Variants in PPIE observed in about 807,000 individuals in gnomAD.
The protein encoded by PPIE is peptidylprolyl isomerase E, also known as peptidyl-prolyl cis-trans isomerase E.
PPIE carries 20 observed loss-of-function variants against 38.4 expected under a neutral mutation model. The ratio of observed to expected loss-of-function variants is 0.52; its 90% confidence interval spans 0.37 to 0.76. PPIE has a LOEUF of 0.76. PPIE is among the 30% of genes least tolerant of loss of function. The pLI, the probability that PPIE is intolerant of heterozygous loss-of-function variation, is 0.00. For missense variants in PPIE, 322 were observed against 385.8 expected, an observed-to-expected ratio of 0.83 and a Z score of 1.39; for synonymous variants, 142 against 135.7, an observed-to-expected ratio of 1.05 and a Z score of -0.32.
downstream of PPIE, chr1:39,757,842 C>T (rs1429325910): frequency 1.3e-5 from 2 of 152,210 alleles, no homozygotes; most frequent in Non-Finnish European, 2.9e-5. Flanking sequence ...TTTCATTGCT[C>T]AAGGGATTTT....
chr1:39,753,246 A>T, intron 9 of PPIE, 41 bp from the exon 10 acceptor site: 8 of 1,610,614 alleles, frequency 5.0e-6, no homozygotes, highest in Non-Finnish European at 6.8e-6. Flanking sequence ...AACCACTGTT[A>T]GTCTCCGGCC....
chr1:39,755,821 C>A lies in PPIE; in HGVS notation c.*2466C>A. ...AGATGTTATTGAATGCACACTGGAA[C>A]CCTGCACAGGTAAACTGAGGCTTTA... On this transcript the variant is annotated 3_prime_UTR_variant, in exon 10 of 10. Coordinates refer to ENST00000324379, the MANE Select transcript of PPIE (RefSeq NM_006112.4). The A allele has an allele frequency of 1.0e-6, 1 of 985,402 alleles. No individual in the cohort carries two copies. The highest frequency in any genetic ancestry group is 1.2e-6 in the Non-Finnish European group (1 of 829,914). 61.0% of individuals were successfully genotyped at this position (985,402 alleles called of 1,614,324 possible). A position where few individuals can be genotyped will look rare whatever the true frequency, so the allele number is the denominator to read the frequency against.
At position 39,753,707 on chromosome 1, in the gene PPIE, CT is replaced by C; in HGVS notation, c.*354del. The C allele has an allele frequency of 9.4e-7, 1 of 1,058,968 alleles. No homozygotes were observed. The allele number at this position is 1,058,968 out of a possible 1,614,324, so 65.6% of individuals were successfully genotyped here. ...AATAAACCCTAGTTCTTATATTGCTCTTCCTGCTAGTTCTTGGGAGTTGTCA... is the reference window on the plus strand; with the variant it reads ...AATAAACCCTAGTTCTTATATTGCTCTCCTGCTAGTTCTTGGGAGTTGTCA... On this transcript the variant is annotated 3_prime_UTR_variant, in exon 10 of 10. Coordinates refer to ENST00000324379, the MANE Select transcript of PPIE (RefSeq NM_006112.4).
chr1:39,753,234 T>G (rs878969507), intron 9 of PPIE, 53 bp from the exon 10 acceptor site: 1 of 1,607,316 alleles, frequency 6.2e-7, no homozygotes, highest in South Asian at 1.1e-5. Context: ...TTGGTATCCC[T>G]AAACCACTGT....
At chr1:39,741,542 T>C in intron 3 of PPIE, 133 bp downstream of exon 3, 1 of 930,918 alleles carries the variant, frequency 1.1e-6, no homozygotes, top group African/African-American at 1.6e-5. Flanking sequence ...AAGTAAGTGC[T>C]GTTCTAAGGA....
In PPIE at chr1:39,763,824, G is replaced by A. The variant is rs771258049; in HGVS notation, c.*82G>A. On this transcript the variant is annotated 3_prime_UTR_variant, in exon 10 of 10. Transcript: ENST00000356511. Reference sequence around the variant, plus strand: ...GACAGAAGGGGCAAGGTCTTTTCTGGGGTTCCTACTGTGTGCAGCTACTAT... The same window carrying A: ...GACAGAAGGGGCAAGGTCTTTTCTGAGGTTCCTACTGTGTGCAGCTACTAT... The A allele has an allele frequency of 2.5e-6, 4 of 1,594,840 alleles. No individual in the cohort carries two copies. The South Asian group carries it at 3.3e-5, about 13-fold the overall frequency.
chr1:39,743,657 C>A (rs1647118190), intron 5 of PPIE, among the ~76,000 whole-genome samples, 167 bp from the exon 6 acceptor site: 1 of 152,200 alleles, frequency 6.6e-6, no homozygotes, highest in Non-Finnish European at 1.5e-5. Context: ...AGCTGGACTT[C>A]AGGGCCTACA....
chr1:39,745,517 T>C lies in PPIE; in HGVS notation c.508+19T>C, dbSNP rs777772331. On this transcript the variant is annotated intron_variant, in intron 7 of 9. Transcript: ENST00000324379. ...ACAGCAGGTGAGCAGGACGCTGTGG[T>C]CAGAACGGCGGGACGCTGGTGGCTG... is the stretch of plus-strand genomic sequence containing the variant. 1 of 1,614,140 alleles carries C rather than the reference T, an allele frequency of 6.2e-7. No homozygotes were observed. Among genetic ancestry groups the C allele is most frequent in the East Asian group, 2.2e-5 (1 of 44,876 alleles).
Position 39,755,404 on chromosome 1 carries a change from G to C in PPIE, c.*2049G>C. 1.0e-6 allele frequency: 1 copy of C among 985,472 alleles called. No individual in the cohort carries two copies. Among genetic ancestry groups the C allele is most frequent in the Non-Finnish European group, 1.2e-6 (1 of 829,936 alleles). The allele number at this position is 985,472 out of a possible 1,614,324, so 61.0% of individuals were successfully genotyped here. A position where few individuals can be genotyped will look rare whatever the true frequency, so the allele number is the denominator to read the frequency against. On this transcript the variant is annotated 3_prime_UTR_variant, in exon 10 of 10. Transcript: ENST00000324379. Reference sequence around the variant, plus strand: ...GACTTTGTGAGCTCCAGCTGCTACAGTTGACTGAGTTCAGGCTCCATGTAG... The same window carrying C: ...GACTTTGTGAGCTCCAGCTGCTACACTTGACTGAGTTCAGGCTCCATGTAG...
chr1:39,757,297 C>T (rs1648385974), downstream of PPIE: 2 of 152,202 alleles, frequency 1.3e-5, no homozygotes. Context: ...TCAGACATCC[C>T]AAAGATTTGT....
rs774886875 is a variant in PPIE at position 39,738,918 on chromosome 1, C to A, written c.18C>A (p.Arg6=). The part of the protein sequence containing the change: MATTK[R]VLYVGGLAEE... The stretch of plus-strand genomic sequence containing the variant: ...CGAGCAAGATGGCCACCACCAAGCG[C>A]GTCTTGTACGTGGGTGAGCAGGAGG... Residue 6 remains arginine (R), a synonymous_variant, in exon 1 of 10, where the codon CGC becomes CGA. Coordinates refer to ENST00000324379, the MANE Select transcript of PPIE (RefSeq NM_006112.4). 4 of 1,499,936 alleles carry A rather than the reference C, an allele frequency of 2.7e-6. No individual in the cohort carries two copies. Among genetic ancestry groups the A allele is most frequent in the Admixed American group, 4.8e-5 (2 of 41,458 alleles). The allele number at this position is 1,499,936 out of a possible 1,614,324, so 92.9% of individuals were successfully genotyped here.
intron 5 of PPIE, 80 bp from the exon 6 acceptor site, chr1:39,743,744 C>T: frequency 8.7e-7 from 1 of 1,146,334 alleles, no homozygotes; most frequent in Non-Finnish European, 1.3e-6. Context: ...ATAGCATCTT[C>T]CACTTTGCTG....
intron 6 of PPIE, among the ~76,000 whole-genome samples, 187 bp from the exon 7 acceptor site, chr1:39,745,188 A>G (rs975790288): frequency 6.6e-6 from 1 of 152,192 alleles, no homozygotes; most frequent in African/African-American, 2.4e-5. Context: ...GTCGCTGGGC[A>G]TCCAGCTGGG....
rs980517454 is a variant in PPIE, at chr1:39,763,618, T to A, written c.838-71T>A. On this transcript the variant is annotated intron_variant, in intron 9 of 9. Transcript: ENST00000356511. ...AGAAGAAAAAAATACATAAGAAAAT[T>A]GAAGTCACCATGATTCTATGTCCTC... 55 of 1,426,920 alleles carry A rather than the reference T, an allele frequency of 3.9e-5. 4 individuals carry two copies. In the African/African-American group the frequency reaches 8.8e-4, roughly 23 times the overall value. The allele number at this position is 1,426,920 out of a possible 1,614,324, so 88.4% of individuals were successfully genotyped here.
At chr1:39,742,045 C>T (rs1312932706) in intron 4 of PPIE, 124 bp downstream of exon 4, 3 of 967,610 alleles carry the variant, frequency 3.1e-6, no homozygotes, top group Non-Finnish European at 4.8e-6. Flanking sequence ...AAAATTCTCA[C>T]ATGAAAATAT....
rs200069647 is a variant in PPIE, at chr1:39,738,912, C to G, written c.12C>G (p.Thr4=). The part of the protein sequence containing the change: MAT[T]KRVLYVGGLA... ...AGCGCGCGAGCAAGATGGCCACCAC[C>G]AAGCGCGTCTTGTACGTGGGTGAGC... Residue 4 remains threonine, a synonymous_variant, in exon 1 of 10, where the codon ACC becomes ACG. Coordinates refer to ENST00000324379, the MANE Select transcript of PPIE (RefSeq NM_006112.4). 1.4e-5 allele frequency: 21 copies of G among 1,504,764 alleles called. No individual in the cohort carries two copies. Among genetic ancestry groups the G allele is most frequent in the Non-Finnish European group, 1.4e-5 (16 of 1,128,448 alleles). 93.2% of individuals were successfully genotyped at this position (1,504,764 alleles called of 1,614,324 possible). A position where few individuals can be genotyped will look rare whatever the true frequency, so the allele number is the denominator to read the frequency against.
rs1023272903 is a variant in PPIE, at chr1:39,762,826, A to G, written c.838-863A>G. ...GCACACAGGTGCGTAAGTGTCCCAC[A>G]GGAGTTTGTTCGGTGCATAGAACAG... On this transcript the variant is annotated intron_variant, in intron 9 of 9. Coordinates refer to the PPIE transcript ENST00000356511. Among the ~76,000 whole-genome samples the G allele has an allele frequency of 1.6e-4, 24 of 152,368 alleles. No individual in the cohort carries two copies. In the South Asian group the frequency reaches 3.7e-3, roughly 24 times the overall value.
chr1:39,760,816 G>A (rs536626674), downstream of PPIE, among the ~76,000 whole-genome samples: 71 of 152,294 alleles, frequency 4.7e-4, 1 homozygote, highest in Non-Finnish European at 9.4e-4. Flanking sequence ...TGGGCAAGGC[G>A]CTAATGAGGG....
At chr1:39,742,266 C>A in intron 4 of PPIE, 1 of 192,232 alleles carries the variant, frequency 5.2e-6, no homozygotes, top group South Asian at 1.3e-4. Context: ...GACCAATTTA[C>A]AATTGAGAAG....
Sources: allele counts gnomAD v4.1 joint callset (sites outside exome capture counted in the v4.1 genomes callset), GRCh38; gene constraint gnomAD v4.1.1; transcripts MANE v1.5; gene names NCBI Gene and HGNC (gene_info 2026-07-23, HGNC 2026-07-21).